Variants in ZBTB20 observed in about 807,000 individuals in gnomAD.
ZBTB20 encodes the protein zinc finger and BTB domain containing 20.
Under a neutral mutation model 56.9 loss-of-function variants are expected in ZBTB20, and 9 were observed. The observed-to-expected ratio is 0.16, with a 90% CI of 0.10 to 0.28. ZBTB20 has a LOEUF of 0.28. Ranked by LOEUF, ZBTB20 falls within the 10% of genes least tolerant of loss-of-function variation. The pLI is 1.00. For synonymous variants in ZBTB20, 417 were observed against 420.7 expected, an observed-to-expected ratio of 0.99 and a Z score of 0.11; for missense variants, 655 against 1,003.0, an observed-to-expected ratio of 0.65 and a Z score of 4.69.
intron 7 of ZBTB20, among the ~76,000 whole-genome samples, chr3:114,447,426 T>C (rs1174054816): frequency 6.6e-6 from 1 of 152,234 alleles, no homozygotes; most frequent in Non-Finnish European, 1.5e-5. Context: ...AATTAGCTAA[T>C]GAATAAGTGT....
At chr3:114,548,808 C>T (rs1040558280) in intron 6 of ZBTB20, among the ~76,000 whole-genome samples, 2 of 152,138 alleles carry the variant, frequency 1.3e-5, no homozygotes, top group East Asian at 3.9e-4. Context: ...CGTGAGCCAC[C>T]ACACTTGGCC....
rs969378826 is a variant in ZBTB20, at chr3:114,329,982, T to C, written c.*9023A>G. Reference sequence around the variant, plus strand: ...ATGTGGCACTTAAGTAGCCCCTTGGTCATATTTTTAAAAGCAAATATAGAC... The same window carrying C: ...ATGTGGCACTTAAGTAGCCCCTTGGCCATATTTTTAAAAGCAAATATAGAC... On this transcript the variant is annotated 3_prime_UTR_variant, in exon 12 of 12. Coordinates refer to ENST00000675478, the MANE Select transcript of ZBTB20 (RefSeq NM_001348800.3). 1 of 152,176 alleles carries C rather than the reference T, an allele frequency of 6.6e-6. No individual in the cohort carries two copies. The highest frequency in any genetic ancestry group is 2.4e-5 in the African/African-American group (1 of 41,446). The allele number at this position is 152,176 out of a possible 1,614,324, so 9.4% of individuals were successfully genotyped here.
intron 6 of ZBTB20, among the ~76,000 whole-genome samples, chr3:114,561,995 C>G (rs913786183): frequency 6.6e-6 from 1 of 152,122 alleles, no homozygotes; most frequent in African/African-American, 2.4e-5. Flanking sequence ...GCACTTGATA[C>G]TTCACTTTGC....
At chr3:114,696,535 T>C (rs974703894) in intron 5 of ZBTB20, among the ~76,000 whole-genome samples, 2 of 152,088 alleles carry the variant, frequency 1.3e-5, no homozygotes, top group African/African-American at 2.4e-5. Context: ...TATCACTTTA[T>C]ATCCATTTTA....
chr3:114,348,788 C>G (rs1354930267), intron 11 of ZBTB20, among the ~76,000 whole-genome samples: 2 of 152,202 alleles, frequency 1.3e-5, no homozygotes, highest in East Asian at 3.8e-4. Flanking sequence ...TATGTCTTCT[C>G]TCTTGGATTC....
At chr3:114,732,374 A>G (rs1319297999) in intron 5 of ZBTB20, among the ~76,000 whole-genome samples, 4 of 152,120 alleles carry the variant, frequency 2.6e-5, no homozygotes, top group Non-Finnish European at 5.9e-5. Flanking sequence ...ACTCATGTTT[A>G]ATCATGAACG....
At chr3:114,621,850 A>AATACATC (rs1056003482) in intron 6 of ZBTB20, among the ~76,000 whole-genome samples, 14 of 152,182 alleles carry the variant, frequency 9.2e-5, no homozygotes, top group Admixed American at 7.2e-4. Flanking sequence ...AAGCACAAAA[A>AATACATC]ATACATCGTC....
chr3:114,930,688 C>G (rs2076325258), intron 3 of ZBTB20: 1 of 196,384 alleles, frequency 5.1e-6, no homozygotes, highest in Admixed American at 5.5e-5. Context: ...ATTTTGGGAA[C>G]AGTAAAATGG....
intron 6 of ZBTB20, among the ~76,000 whole-genome samples, chr3:114,614,791 G>A (rs776976566): frequency 5.9e-5 from 9 of 151,874 alleles, no homozygotes; most frequent in Non-Finnish European, 1.2e-4. Context: ...TTGCTCGGTC[G>A]CCCAGGCTGG....
intron 6 of ZBTB20, among the ~76,000 whole-genome samples, chr3:114,572,499 T>TA (rs912080357): frequency 1.3e-5 from 2 of 152,188 alleles, no homozygotes; most frequent in Non-Finnish European, 2.9e-5. Flanking sequence ...TCACTAGACT[T>TA]ACAGTTCTGA....
chr3:114,942,066 C>T (rs1329457823), intron 3 of ZBTB20, among the ~76,000 whole-genome samples: 2 of 145,960 alleles, frequency 1.4e-5, no homozygotes, highest in Non-Finnish European at 3.0e-5. Flanking sequence ...TACTGACTTC[C>T]CCTTATAAAT....
chr3:114,370,856 T>C (rs976501191), intron 10 of ZBTB20, among the ~76,000 whole-genome samples: 2 of 152,214 alleles, frequency 1.3e-5, no homozygotes, highest in African/African-American at 4.8e-5. Flanking sequence ...GCTTTTCATC[T>C]TTACTTGATA....
chr3:114,877,332 T>C (rs1410103338), intron 4 of ZBTB20, among the ~76,000 whole-genome samples: 2 of 152,210 alleles, frequency 1.3e-5, no homozygotes, highest in Admixed American at 6.5e-5. Flanking sequence ...AAGGAGCTTA[T>C]AGTCTAGGTC....
At chr3:114,528,432 T>C (rs538743492) in intron 6 of ZBTB20, among the ~76,000 whole-genome samples, 1 of 151,870 alleles carries the variant, frequency 6.6e-6, no homozygotes, top group South Asian at 2.1e-4. Flanking sequence ...GTCTTCAGGA[T>C]AAAAAACAAA....
intron 10 of ZBTB20, among the ~76,000 whole-genome samples, chr3:114,378,568 A>C (rs1346444676): frequency 6.6e-6 from 1 of 152,258 alleles, no homozygotes; most frequent in African/African-American, 2.4e-5. Flanking sequence ...TGCTTTTTCT[A>C]TTCACAAAAC....
chr3:114,801,397 G>C (rs1346580129), intron 4 of ZBTB20, among the ~76,000 whole-genome samples: 2 of 108,990 alleles, frequency 1.8e-5, no homozygotes, highest in Non-Finnish European at 3.7e-5. Flanking sequence ...AGGATCTAAA[G>C]AGGAGAAAAA....
intron 7 of ZBTB20, among the ~76,000 whole-genome samples, chr3:114,466,962 C>T (rs980455042): frequency 6.6e-6 from 1 of 152,128 alleles, no homozygotes; most frequent in Non-Finnish European, 1.5e-5. Context: ...TGGACACTGA[C>T]AAAGTTACCT....
chr3:114,358,109 T>C (rs1263277522), intron 10 of ZBTB20, among the ~76,000 whole-genome samples: 1 of 152,160 alleles, frequency 6.6e-6, no homozygotes, highest in Non-Finnish European at 1.5e-5. Context: ...CTTTTGACTG[T>C]TAAAAATTAG....
chr3:114,458,197 T>C (rs939308039), intron 7 of ZBTB20, among the ~76,000 whole-genome samples: 2 of 152,186 alleles, frequency 1.3e-5, no homozygotes, highest in Non-Finnish European at 2.9e-5. Context: ...GGTTATTAAT[T>C]GGCTTAATTC....
Sources: gnomAD v4.1 joint callset for allele counts (sites outside exome capture counted in the v4.1 genomes callset) on GRCh38, gnomAD v4.1.1 for gene constraint, MANE v1.5 for transcripts, NCBI Gene and HGNC (gene_info 2026-07-23, HGNC 2026-07-21) for gene names.